The following SLC25A44 variants were observed in gnomAD, a reference collection of about 807,000 sequenced individuals.
SLC25A44 encodes the protein solute carrier family 25, member 44.
In SLC25A44, 17 loss-of-function variants were observed where a neutral mutation model predicts 29.9. The observed-to-expected ratio is 0.57, with a 90% CI of 0.39 to 0.85. The LOEUF is 0.85. Among genes scored for constraint, SLC25A44 ranks in the 40% least tolerant of loss-of-function variants. SLC25A44 has a pLI of 0.00. For synonymous variants in SLC25A44, 140 were observed against 151.8 expected (o/e 0.92, Z 0.57); for missense variants, 302 against 398.4 (o/e 0.76, Z 2.06).
intron 1 of SLC25A44, chr1:156,197,901 A>C (rs996893070): frequency 5.9e-5 from 9 of 152,108 alleles, no homozygotes; most frequent in African/African-American, 2.2e-4. Flanking sequence ...ATTTTAACGA[A>C]AGTTATACGG....
intron 1 of SLC25A44, 87 bp from the exon 2 acceptor site, chr1:156,199,748 G>C: frequency 8.5e-7 from 1 of 1,183,316 alleles, no homozygotes; most frequent in Non-Finnish European, 1.2e-6. Context: ...TGAGGGCTGA[G>C]AATGGGCCTT....
At chr1:156,204,291 G>A (rs1656794506) in intron 2 of SLC25A44, among the ~76,000 whole-genome samples, 1 of 151,812 alleles carries the variant, frequency 6.6e-6, no homozygotes, top group Non-Finnish European at 1.5e-5. Flanking sequence ...ACAGGCATGA[G>A]CCACCGTGCC....
intron 1 of SLC25A44, chr1:156,199,494 A>G: frequency 3.4e-6 from 1 of 292,648 alleles, no homozygotes; most frequent in Non-Finnish European, 6.4e-6. Context: ...ACCAGGGCCC[A>G]GACAGAGGCA....
chr1:156,195,140 G>C (rs1248749627), intron 1 of SLC25A44, among the ~76,000 whole-genome samples: 2 of 142,718 alleles, frequency 1.4e-5, no homozygotes, highest in African/African-American at 5.3e-5. Context: ...GTCTCGCTCT[G>C]TTACCCAGGC....
At position 156,211,352 on chromosome 1, in the gene SLC25A44, T is replaced by C. The variant is rs1228754413; in HGVS notation, c.*921T>C. The C allele has an allele frequency of 6.6e-6, 1 of 152,628 alleles. No homozygotes were observed. The highest frequency in any genetic ancestry group is 1.5e-5 in the Non-Finnish European group (1 of 68,134). The allele number at this position is 152,628 out of a possible 1,614,324, so 9.5% of individuals were successfully genotyped here. A position where few individuals can be genotyped will look rare whatever the true frequency, so the allele number is the denominator to read the frequency against. On this transcript the variant is annotated 3_prime_UTR_variant, in exon 4 of 4. Coordinates refer to ENST00000359511, the MANE Select transcript of SLC25A44 (RefSeq NM_014655.4). ...GTGCACTGGACTTGGAGCACTACCT[T>C]GAGAAGTCAGGTTGAGAAAGTAGTT...
chr1:156,211,521 G>A lies in SLC25A44; in HGVS notation c.*1090G>A, dbSNP rs988265269. ...AAATACCCCAATCACTCAGACTTAC[G>A]GCAACAAGTGTTGTCTCACTATGGT... On this transcript the variant is annotated 3_prime_UTR_variant, in exon 4 of 4. Coordinates refer to ENST00000359511, the MANE Select transcript of SLC25A44 (RefSeq NM_014655.4). The A allele has an allele frequency of 3.9e-5, 6 of 152,314 alleles. No homozygotes were observed. Among genetic ancestry groups the A allele is most frequent in the African/African-American group, 1.4e-4 (6 of 41,394 alleles). 9.4% of individuals were successfully genotyped at this position (152,314 alleles called of 1,614,324 possible).
rs879145180 is a variant in SLC25A44, at chr1:156,211,056, T to TTTTGTGTGTG, written c.*626_*627insTTGTGTGTGT. ...TGGGAGAAATGTTGATACTTTTGTT[T>TTTTGTGTGTG]TGTGTGTGTGTGTGTGTGTGTGTGT... On this transcript the variant is annotated 3_prime_UTR_variant, in exon 4 of 4. Transcript: ENST00000359511. 5.0e-5 allele frequency: 7 copies of TTTTGTGTGTG among 138,864 alleles called. No individual in the cohort carries two copies. Among genetic ancestry groups the TTTTGTGTGTG allele is most frequent in the East Asian group, 2.2e-4 (1 of 4,636 alleles). The allele number at this position is 138,864 out of a possible 1,614,324, so 8.6% of individuals were successfully genotyped here.
Position 156,210,567 on chromosome 1 carries a change from G to T in SLC25A44, c.*136G>T. ...TGGGCCAAGTGGCCTATCTGGGATA[G>T]GGATAGAGACTTTGAACTGCTCTTG... is the stretch of plus-strand genomic sequence containing the variant. On this transcript the variant is annotated 3_prime_UTR_variant, in exon 4 of 4. Coordinates refer to ENST00000359511, the MANE Select transcript of SLC25A44 (RefSeq NM_014655.4). 3.7e-6 allele frequency: 2 copies of T among 541,802 alleles called. No homozygotes were observed. Among genetic ancestry groups the T allele is most frequent in the Admixed American group, 4.0e-5 (1 of 25,170 alleles). 33.6% of individuals were successfully genotyped at this position (541,802 alleles called of 1,614,324 possible). A position where few individuals can be genotyped will look rare whatever the true frequency, so the allele number is the denominator to read the frequency against.
intron 1 of SLC25A44, among the ~76,000 whole-genome samples, chr1:156,195,566 G>T (rs547897196): frequency 4.6e-5 from 7 of 152,196 alleles, no homozygotes; most frequent in African/African-American, 1.7e-4. Flanking sequence ...AGGAAGATGC[G>T]ACCAGCGGAC....
chr1:156,207,471 G>A (rs920943173), intron 2 of SLC25A44, among the ~76,000 whole-genome samples: 1 of 152,068 alleles, frequency 6.6e-6, no homozygotes, highest in African/African-American at 2.4e-5. Flanking sequence ...GAGCCGCCGC[G>A]CCCGGCACTA....
Position 156,199,939 on chromosome 1 carries a change from T to G in SLC25A44, c.92T>G (p.Ile31Ser). Residue 31 changes from isoleucine to serine, a missense_variant, in exon 2 of 4, where the codon ATC becomes AGC. Ile to Ser is a moderately radical substitution (Grantham distance 142, BLOSUM62 -2). Transcript: ENST00000359511. The part of the protein sequence containing the change: ...YVFGVAMTMM[I>S]RVSVYPFTLI... ...TTTGGTGTGGCAATGACAATGATGATCCGTGTCAGTGTCTACCCATTCACC... is the reference window on the plus strand; with the variant it reads ...TTTGGTGTGGCAATGACAATGATGAGCCGTGTCAGTGTCTACCCATTCACC... The G allele has an allele frequency of 1.2e-6, 2 of 1,614,180 alleles. No homozygotes were observed. The highest frequency in any genetic ancestry group is 1.7e-6 in the Non-Finnish European group (2 of 1,180,026).
At chr1:156,195,083 T>C (rs1434008149) in intron 1 of SLC25A44, among the ~76,000 whole-genome samples, 1 of 151,900 alleles carries the variant, frequency 6.6e-6, no homozygotes, top group Non-Finnish European at 1.5e-5. Context: ...TCTTAACTCA[T>C]ATGAGTTGTA....
intron 2 of SLC25A44, among the ~76,000 whole-genome samples, chr1:156,202,881 C>A (rs777358238): frequency 6.6e-6 from 1 of 152,208 alleles, no homozygotes; most frequent in Non-Finnish European, 1.5e-5. Context: ...TCTATAAGAA[C>A]AGGGATCATG....
chr1:156,209,949 G>C (rs1403741763), intron 3 of SLC25A44, among the ~76,000 whole-genome samples: 1 of 151,740 alleles, frequency 6.6e-6, no homozygotes, highest in Non-Finnish European at 1.5e-5. Context: ...TAACAACCTC[G>C]TGGTGCAGGT....
intron 3 of SLC25A44, among the ~76,000 whole-genome samples, chr1:156,208,524 TCTCA>T (rs1215448904): frequency 6.6e-6 from 1 of 152,148 alleles, no homozygotes; most frequent in Non-Finnish European, 1.5e-5. Context: ...CTGGAATGCT[TCTCA>T]CTCTGTCTGC....
intron 1 of SLC25A44, chr1:156,197,023 C>T (rs1224658194): frequency 2.0e-5 from 3 of 152,172 alleles, no homozygotes; most frequent in African/African-American, 7.2e-5. Flanking sequence ...CCTACCTGAC[C>T]CTCCATTTCC....
At chr1:156,194,471 C>CG (rs1656082986) in intron 1 of SLC25A44, among the ~76,000 whole-genome samples, 1 of 152,058 alleles carries the variant, frequency 6.6e-6, no homozygotes, top group South Asian at 2.1e-4. Flanking sequence ...GTTGGGTGTG[C>CG]GGGGGCCAGG....
chr1:156,202,298 A>G (rs550942542), intron 2 of SLC25A44, among the ~76,000 whole-genome samples: 1 of 152,196 alleles, frequency 6.6e-6, no homozygotes, highest in Non-Finnish European at 1.5e-5. Context: ...CTTCCCGTCC[A>G]TCACATACAT....
intron 2 of SLC25A44, among the ~76,000 whole-genome samples, chr1:156,206,138 A>C (rs1032586622): frequency 9.9e-5 from 15 of 152,196 alleles, no homozygotes; most frequent in African/African-American, 2.7e-4. Flanking sequence ...AAAATTCAAA[A>C]GTTAAGAAAG....
Sources: gnomAD v4.1 joint callset for allele counts (sites outside exome capture counted in the v4.1 genomes callset) on GRCh38, gnomAD v4.1.1 for gene constraint, MANE v1.5 for transcripts, NCBI Gene and HGNC (gene_info 2026-07-23, HGNC 2026-07-21) for gene names.